The following NXPH1 variants were observed in gnomAD, a reference collection of about 807,000 sequenced individuals.
NXPH1 encodes neurexophilin 1, also known as neurexophilin-1.
NXPH1 carries 5 observed loss-of-function variants against 23.7 expected under a neutral mutation model. That is an observed-to-expected ratio of 0.21 (90% CI 0.11 to 0.44). The LOEUF (loss-of-function observed/expected upper bound fraction) is 0.44. Ranked by LOEUF, NXPH1 falls within the 20% of genes least tolerant of loss-of-function variation. The pLI is 0.99. For missense variants in NXPH1, 324 were observed against 321.6 expected (o/e 1.01, Z -0.06); for synonymous variants, 144 against 122.2 (o/e 1.18, Z -1.18).
intron 2 of NXPH1, among the ~76,000 whole-genome samples, chr7:8,564,199 CT>C (rs901081242): frequency 6.6e-6 from 1 of 151,872 alleles, no homozygotes; most frequent in Admixed American, 6.6e-5. Context: ...CATAGTTTTT[CT>C]TTTTCATTGT....
chr7:8,721,291 A>G (rs1779966143), intron 2 of NXPH1, among the ~76,000 whole-genome samples: 1 of 150,636 alleles, frequency 6.6e-6, no homozygotes, highest in African/African-American at 2.4e-5. Flanking sequence ...CAATAAAGTT[A>G]ATGTGATCAA....
chr7:8,610,752 T>A (rs1171415911), intron 2 of NXPH1, among the ~76,000 whole-genome samples: 1 of 152,098 alleles, frequency 6.6e-6, no homozygotes, highest in East Asian at 1.9e-4. Flanking sequence ...TTTTTTCAAC[T>A]TAGAACAACT....
At chr7:8,461,832 G>A (rs1255940172) in intron 2 of NXPH1, among the ~76,000 whole-genome samples, 2 of 31,046 alleles carry the variant, frequency 6.4e-5, no homozygotes, top group East Asian at 4.2e-3. Flanking sequence ...GCGAGACTCC[G>A]TCTCAAAAAA....
chr7:8,457,543 T>TTTG lies in NXPH1; in HGVS notation c.54+21778_54+21779insGTT, dbSNP rs1192325055. Among the ~76,000 whole-genome samples the TTTG allele has an allele frequency of 2.0e-4, 4 of 20,336 alleles. No individual in the cohort carries two copies. The African/African-American group carries it at 5.1e-3, about 26-fold the overall frequency. The allele number at this position is 20,336 out of a possible 152,430, so 13.3% of individuals were successfully genotyped here. A position where few individuals can be genotyped will look rare whatever the true frequency, so the allele number is the denominator to read the frequency against. On this transcript the variant is annotated intron_variant, in intron 2 of 2. Transcript: ENST00000405863. ...TGCTTTTCATTGCCCTAATTCTTAG[T>TTTG]TTTTTTTTTTTTAATTTTATTAAAA...
intron 2 of NXPH1, among the ~76,000 whole-genome samples, chr7:8,646,182 T>C (rs775074834): frequency 1.5e-4 from 23 of 152,156 alleles, no homozygotes; most frequent in Non-Finnish European, 3.1e-4. Context: ...ACTTTTTCTA[T>C]GATGACCCTG....
chr7:8,750,335 C>A (rs1334041182), intron 2 of NXPH1, among the ~76,000 whole-genome samples: 2 of 152,084 alleles, frequency 1.3e-5, no homozygotes, highest in Non-Finnish European at 2.9e-5. Flanking sequence ...TTATATATTT[C>A]TTCTAACAAA....
chr7:8,646,616 C>T (rs1820403495), intron 2 of NXPH1, among the ~76,000 whole-genome samples: 1 of 151,826 alleles, frequency 6.6e-6, no homozygotes, highest in Admixed American at 6.6e-5. Context: ...CTCTTCTATT[C>T]CTAGTTTCTG....
chr7:8,607,195 A>T (rs1220493512), intron 2 of NXPH1, among the ~76,000 whole-genome samples: 1 of 152,194 alleles, frequency 6.6e-6, no homozygotes, highest in African/African-American at 2.4e-5. Flanking sequence ...TAAATTTAGT[A>T]GCAATAATTG....
chr7:8,585,717 C>CA (rs1460635244), intron 2 of NXPH1, among the ~76,000 whole-genome samples: 37 of 152,292 alleles, frequency 2.4e-4, no homozygotes, highest in African/African-American at 8.7e-4. Context: ...GAATGTGCAT[C>CA]ACATATGTTG....
intron 2 of NXPH1, among the ~76,000 whole-genome samples, chr7:8,608,181 C>G (rs1819542353): frequency 6.6e-6 from 1 of 152,142 alleles, no homozygotes; most frequent in Admixed American, 6.5e-5. Flanking sequence ...CCTGAGGAAA[C>G]TAATACAAAT....
chr7:8,457,618 C>A (rs1256697650), intron 2 of NXPH1, among the ~76,000 whole-genome samples: 1 of 150,912 alleles, frequency 6.6e-6, no homozygotes, highest in Non-Finnish European at 1.5e-5. Flanking sequence ...TTCATTGGTC[C>A]ATTTGGTCTC....
intron 2 of NXPH1, among the ~76,000 whole-genome samples, chr7:8,691,445 T>C (rs1415946225): frequency 6.6e-6 from 1 of 152,192 alleles, no homozygotes; most frequent in Non-Finnish European, 1.5e-5. Context: ...CATTGTATCC[T>C]GCCCTTTCTA....
chr7:8,436,471 T>C (rs899530784), intron 2 of NXPH1, among the ~76,000 whole-genome samples: 1 of 152,114 alleles, frequency 6.6e-6, no homozygotes, highest in Non-Finnish European at 1.5e-5. Context: ...AAAGCCGCGG[T>C]CCTTGTCCTT....
At chr7:8,736,857 A>G (rs1780265583) in intron 2 of NXPH1, among the ~76,000 whole-genome samples, 1 of 152,014 alleles carries the variant, frequency 6.6e-6, no homozygotes, top group African/African-American at 2.4e-5. Context: ...TGCTTGTTAC[A>G]TTGATCCCTT....
intron 2 of NXPH1, among the ~76,000 whole-genome samples, chr7:8,724,298 C>G (rs1411803792): frequency 6.6e-6 from 1 of 152,208 alleles, no homozygotes; most frequent in Non-Finnish European, 1.5e-5. Flanking sequence ...TAGCTGTGCC[C>G]TCTAGCGGCA....
chr7:8,717,115 C>T (rs1416696295), intron 2 of NXPH1, among the ~76,000 whole-genome samples: 1 of 152,064 alleles, frequency 6.6e-6, no homozygotes, highest in East Asian at 1.9e-4. Context: ...CTGTTTGTAC[C>T]TCTTTCTTTC....
intron 2 of NXPH1, among the ~76,000 whole-genome samples, chr7:8,591,402 T>A (rs1261700818): frequency 6.6e-6 from 1 of 152,042 alleles, no homozygotes; most frequent in East Asian, 1.9e-4. Context: ...ATATCTTAGT[T>A]GACTAAGATG....
chr7:8,560,319 T>G (rs959190002), intron 2 of NXPH1, among the ~76,000 whole-genome samples: 2 of 151,718 alleles, frequency 1.3e-5, no homozygotes, highest in Non-Finnish European at 3.0e-5. Flanking sequence ...CAAAGACTGT[T>G]GACATTTGAA....
At chr7:8,538,640 C>A (rs74692317) in intron 2 of NXPH1, among the ~76,000 whole-genome samples, 15 of 151,918 alleles carry the variant, frequency 9.9e-5, no homozygotes, top group African/African-American at 3.6e-4. Context: ...TTTTCCCCCA[C>A]GTGCTAAGTG....
Sources: allele counts gnomAD v4.1 joint callset (sites outside exome capture counted in the v4.1 genomes callset), GRCh38; gene constraint gnomAD v4.1.1; transcripts MANE v1.5; gene names NCBI Gene and HGNC (gene_info 2026-07-23, HGNC 2026-07-21).